CREB5: variants seen among roughly 807,000 people sequenced by gnomAD.
CREB5 encodes cyclic AMP-responsive element-binding protein 5.
Under a neutral mutation model 57.1 loss-of-function variants are expected in CREB5, and 19 were observed. The ratio of observed to expected loss-of-function variants is 0.33; its 90% confidence interval spans 0.23 to 0.49. The LOEUF is 0.49. CREB5 is among the 20% of genes least tolerant of loss of function. The probability of loss-of-function intolerance (pLI) is 0.99; values close to 1 mark genes in which losing one functional copy is unlikely to be tolerated. For synonymous variants in CREB5, 238 were observed against 238.3 expected (o/e 1.00, Z 0.01); for missense variants, 579 against 671.6 (o/e 0.86, Z 1.52).
intron 1 of CREB5, among the ~76,000 whole-genome samples, chr7:28,400,666 T>C (rs1287783672): frequency 6.6e-6 from 1 of 152,174 alleles, no homozygotes. Context: ...CAGAGTAACT[T>C]CCCAGATTTT....
chr7:28,435,083 C>T (rs1226391908), intron 1 of CREB5, among the ~76,000 whole-genome samples: 5 of 146,008 alleles, frequency 3.4e-5, no homozygotes, highest in African/African-American at 1.3e-4. Context: ...ATCACCTAGG[C>T]CACCTGGCTT....
chr7:28,688,696 C>T (rs1336137339), intron 5 of CREB5, among the ~76,000 whole-genome samples: 1 of 152,096 alleles, frequency 6.6e-6, no homozygotes. Flanking sequence ...ACTTATGGCC[C>T]AGCTCAATTG....
At chr7:28,628,628 G>A (rs1409475490) in intron 5 of CREB5, among the ~76,000 whole-genome samples, 1 of 152,170 alleles carries the variant, frequency 6.6e-6, no homozygotes, top group Non-Finnish European at 1.5e-5. Flanking sequence ...CTGTCATGGA[G>A]ATGAGGGGAC....
intron 1 of CREB5, among the ~76,000 whole-genome samples, chr7:28,330,114 G>A (rs1421808247): frequency 1.3e-5 from 2 of 152,180 alleles, no homozygotes; most frequent in Non-Finnish European, 2.9e-5. Flanking sequence ...GGTTTCAAAG[G>A]ACATCTGCAA....
At chr7:28,463,350 A>G (rs962288236) in intron 1 of CREB5, among the ~76,000 whole-genome samples, 1 of 152,132 alleles carries the variant, frequency 6.6e-6, no homozygotes, top group African/African-American at 2.4e-5. Context: ...ATGAATTTTG[A>G]AATCAGAATG....
rs1022157063 is a variant in CREB5, at chr7:28,535,646, G to A, written c.291+27909G>A. Among the ~76,000 whole-genome samples the A allele has an allele frequency of 4.0e-5, 6 of 151,782 alleles. 1 individual carries two copies. The South Asian group carries it at 1.0e-3, about 26-fold the overall frequency. The stretch of plus-strand genomic sequence containing the variant: ...AAGAGGGAGGAAGGAAAAAGAGAAG[G>A]GAAGGAAGGAAGAGAAAAGAGAAAG... On this transcript the variant is annotated intron_variant, in intron 4 of 10. Coordinates refer to ENST00000357727, the MANE Select transcript of CREB5 (RefSeq NM_182898.4).
chr7:28,415,242 G>T (rs59989084), intron 1 of CREB5, among the ~76,000 whole-genome samples: 1 of 152,048 alleles, frequency 6.6e-6, no homozygotes, highest in South Asian at 2.1e-4. Context: ...GGCTTTACAC[G>T]GATGGTAGGG....
rs867775967 is a variant in CREB5, at chr7:28,709,486, A to G, written c.465-9267A>G. Reference sequence around the variant, plus strand: ...AGTTTGCTTTAATAGTCTTAACAGAATGATCATAAATTCGGATCTCCCCTC... The same window carrying G: ...AGTTTGCTTTAATAGTCTTAACAGAGTGATCATAAATTCGGATCTCCCCTC... On this transcript the variant is annotated intron_variant, in intron 5 of 10. Transcript: ENST00000357727. Among the ~76,000 whole-genome samples, 35 of 152,290 alleles carry G rather than the reference A, an allele frequency of 2.3e-4. No individual in the cohort carries two copies. The Middle Eastern group carries it at 0.01, about 44-fold the overall frequency.
chr7:28,549,981 C>A (rs1222933400), intron 4 of CREB5, among the ~76,000 whole-genome samples: 2 of 152,108 alleles, frequency 1.3e-5, no homozygotes, highest in African/African-American at 4.8e-5. Context: ...AATACCTTGG[C>A]CTTTGGCTGC....
At chr7:28,433,909 TCC>T (rs1562713108) in intron 1 of CREB5, among the ~76,000 whole-genome samples, 1 of 151,814 alleles carries the variant, frequency 6.6e-6, no homozygotes, top group African/African-American at 2.4e-5. Context: ...TTTTAAAAGA[TCC>T]AGACTTCTAC....
At chr7:28,341,399 C>A (rs1014633761) in intron 1 of CREB5, among the ~76,000 whole-genome samples, 1 of 152,136 alleles carries the variant, frequency 6.6e-6, no homozygotes, top group Non-Finnish European at 1.5e-5. Context: ...CATTCACACC[C>A]AATAAGCAGG....
intron 1 of CREB5, among the ~76,000 whole-genome samples, chr7:28,370,985 T>C (rs1277684081): frequency 2.0e-5 from 3 of 151,972 alleles, no homozygotes; most frequent in Admixed American, 2.0e-4. Flanking sequence ...TGGGAATGAG[T>C]TCTTCCCTAG....
chr7:28,638,363 G>A (rs200032640), intron 5 of CREB5, among the ~76,000 whole-genome samples: 1 of 20,444 alleles, frequency 4.9e-5, no homozygotes, highest in African/African-American at 2.1e-4. Flanking sequence ...TTTTTTTTTT[G>A]GAAACAGAAT....
At chr7:28,728,970 T>G (rs1353339795) in intron 7 of CREB5, among the ~76,000 whole-genome samples, 19 of 152,224 alleles carry the variant, frequency 1.2e-4, no homozygotes, top group Admixed American at 1.2e-3. Flanking sequence ...GGAATGTCTT[T>G]GTCCTCCTTG....
At chr7:28,705,146 C>T (rs1051555286) in intron 5 of CREB5, among the ~76,000 whole-genome samples, 4 of 152,112 alleles carry the variant, frequency 2.6e-5, no homozygotes, top group Non-Finnish European at 4.4e-5. Flanking sequence ...AGGCGGATCA[C>T]GAGGTCAGGA....
intron 1 of CREB5, among the ~76,000 whole-genome samples, chr7:28,465,453 T>C (rs1790523829): frequency 6.6e-6 from 1 of 152,360 alleles, no homozygotes; most frequent in East Asian, 1.9e-4. Flanking sequence ...TAAATGTATT[T>C]CCAGGATTCA....
upstream of CREB5, among the ~76,000 whole-genome samples, chr7:28,412,032 T>G (rs756443268): frequency 1.3e-5 from 2 of 152,240 alleles, no homozygotes; most frequent in South Asian, 4.1e-4. Flanking sequence ...TTAGTGGTTT[T>G]ATTCAAACTG....
intron 7 of CREB5, among the ~76,000 whole-genome samples, chr7:28,754,643 G>A (rs536648548): frequency 1.3e-5 from 2 of 152,304 alleles, no homozygotes; most frequent in South Asian, 4.1e-4. Context: ...AGAGGAATAA[G>A]TTGGTTGCCA....
intron 1 of CREB5, among the ~76,000 whole-genome samples, chr7:28,398,428 A>G (rs1787381395): frequency 1.3e-5 from 2 of 152,172 alleles, no homozygotes; most frequent in Non-Finnish European, 2.9e-5. Context: ...ACTAAGCAAG[A>G]AGGCCAGGAT....
Sources: gnomAD v4.1 joint callset for allele counts (sites outside exome capture counted in the v4.1 genomes callset) on GRCh38, gnomAD v4.1.1 for gene constraint, MANE v1.5 for transcripts, NCBI Gene and HGNC (gene_info 2026-07-23, HGNC 2026-07-21) for gene names.